Variants in PRKCA observed in about 807,000 individuals in gnomAD.
The protein encoded by PRKCA is protein kinase C alpha type.
Under a neutral mutation model 87.0 loss-of-function variants are expected in PRKCA, and 27 were observed. The observed-to-expected ratio is 0.31, with a 90% CI of 0.23 to 0.43. The LOEUF is 0.43. Ranked by LOEUF, PRKCA falls within the 20% of genes least tolerant of loss-of-function variation. The probability of loss-of-function intolerance (pLI) is 1.00; values close to 1 mark genes in which losing one functional copy is unlikely to be tolerated. For synonymous variants in PRKCA, 329 were observed against 311.1 expected (o/e 1.06, Z -0.61); for missense variants, 518 against 852.3 (o/e 0.61, Z 4.88).
At chr17:66,615,145 A>T (rs1003940204) in intron 3 of PRKCA, among the ~76,000 whole-genome samples, 5 of 152,206 alleles carry the variant, frequency 3.3e-5, no homozygotes, top group Admixed American at 2.6e-4. Flanking sequence ...GACAACCAGG[A>T]TGCCTCTCCC....
At chr17:66,363,741 C>CA (rs1199500949) in intron 2 of PRKCA, among the ~76,000 whole-genome samples, 1 of 152,188 alleles carries the variant, frequency 6.6e-6, no homozygotes, top group African/African-American at 2.4e-5. Context: ...CTCACCCTGT[C>CA]ACCCAGGCTG....
chr17:66,644,446 A>T (rs1222789504), intron 4 of PRKCA, among the ~76,000 whole-genome samples: 1 of 152,132 alleles, frequency 6.6e-6, no homozygotes, highest in African/African-American at 2.4e-5. Flanking sequence ...AGGGTGATCG[A>T]GCTGGAACAC....
intron 2 of PRKCA, among the ~76,000 whole-genome samples, chr17:66,420,762 A>G (rs1211915193): frequency 2.6e-5 from 4 of 152,134 alleles, no homozygotes; most frequent in African/African-American, 9.7e-5. Context: ...CATTTGGAGG[A>G]TTTTGACTGG....
At chr17:66,675,738 C>A (rs954630265) in intron 5 of PRKCA, among the ~76,000 whole-genome samples, 1 of 152,160 alleles carries the variant, frequency 6.6e-6, no homozygotes, top group African/African-American at 2.4e-5. Context: ...AGCTACACTT[C>A]CCAACCCCCT....
chr17:66,534,893 G>A (rs942356742), intron 3 of PRKCA, among the ~76,000 whole-genome samples: 44 of 152,134 alleles, frequency 2.9e-4, no homozygotes, highest in African/African-American at 9.6e-4. Flanking sequence ...TTATTAATCC[G>A]GAGATTTCTG....
At chr17:66,674,807 A>G (rs767114367) in intron 5 of PRKCA, among the ~76,000 whole-genome samples, 28 of 152,328 alleles carry the variant, frequency 1.8e-4, no homozygotes, top group Non-Finnish European at 3.5e-4. Flanking sequence ...AATCAGTCTG[A>G]TGAGTGGCAG....
intron 5 of PRKCA, among the ~76,000 whole-genome samples, chr17:66,651,093 G>A (rs931689121): frequency 2.0e-5 from 3 of 152,196 alleles, no homozygotes; most frequent in East Asian, 1.9e-4. Flanking sequence ...GCTTCACATC[G>A]GAAGTGCAGT....
intron 3 of PRKCA, among the ~76,000 whole-genome samples, chr17:66,533,700 G>T (rs976978706): frequency 7.2e-6 from 1 of 139,768 alleles, no homozygotes; most frequent in Admixed American, 7.3e-5. Context: ...CCAGGCTGCC[G>T]CCCCCACTGG....
At chr17:66,440,934 G>A (rs538636066) in intron 2 of PRKCA, among the ~76,000 whole-genome samples, 9 of 151,982 alleles carry the variant, frequency 5.9e-5, no homozygotes, top group Non-Finnish European at 8.8e-5. Context: ...AGGCTGAGGC[G>A]GGTGGATTGC....
At chr17:66,318,910 C>T (rs1905480461) in intron 2 of PRKCA, among the ~76,000 whole-genome samples, 1 of 151,558 alleles carries the variant, frequency 6.6e-6, no homozygotes, top group South Asian at 2.1e-4. Flanking sequence ...TGCTTGAATT[C>T]ATGAATTTTA....
intron 2 of PRKCA, among the ~76,000 whole-genome samples, chr17:66,345,661 G>C (rs1022171160): frequency 2.0e-5 from 3 of 152,086 alleles, no homozygotes; most frequent in Admixed American, 2.0e-4. Flanking sequence ...CGACAGTCCT[G>C]ATTATTGACT....
intron 16 of PRKCA, among the ~76,000 whole-genome samples, chr17:66,800,096 T>A (rs966170683): frequency 6.6e-6 from 1 of 152,236 alleles, no homozygotes; most frequent in African/African-American, 2.4e-5. Flanking sequence ...TGGCTGAACT[T>A]CAGTGGTTCA....
chr17:66,627,613 C>T (rs1325718365), intron 3 of PRKCA, among the ~76,000 whole-genome samples: 2 of 152,130 alleles, frequency 1.3e-5, no homozygotes, highest in African/African-American at 4.8e-5. Flanking sequence ...GAGTGAAGAC[C>T]AAGGTGTAAG....
At chr17:66,469,717 C>T (rs1915240881) in intron 2 of PRKCA, among the ~76,000 whole-genome samples, 1 of 152,180 alleles carries the variant, frequency 6.6e-6, no homozygotes, top group Non-Finnish European at 1.5e-5. Flanking sequence ...AAGCTGTCTG[C>T]AAATACTTAA....
intron 2 of PRKCA, among the ~76,000 whole-genome samples, chr17:66,456,416 C>T (rs1914576359): frequency 6.6e-6 from 1 of 152,104 alleles, no homozygotes; most frequent in African/African-American, 2.4e-5. Flanking sequence ...CCGTAAGTGG[C>T]CTATTCTAAG....
At position 66,405,161 on chromosome 17, in the gene PRKCA, C is replaced by G. The variant is rs552009869; in HGVS notation, c.206-91040C>G. ...GCAGAGCACAGTGATTGTCCATGGG[C>G]TGGTCTCTGTTCACTTCCCCAAGGT... On this transcript the variant is annotated intron_variant, in intron 2 of 16. Coordinates refer to ENST00000413366, the MANE Select transcript of PRKCA (RefSeq NM_002737.3). Among the ~76,000 whole-genome samples, 145 of 152,184 alleles carry G rather than the reference C, an allele frequency of 9.5e-4. 1 individual carries two copies. The highest frequency in any genetic ancestry group is 1.7e-3 in the Non-Finnish European group (113 of 68,018).
At chr17:66,316,704 G>A (rs1033458414) in intron 2 of PRKCA, among the ~76,000 whole-genome samples, 2 of 151,934 alleles carry the variant, frequency 1.3e-5, no homozygotes, top group African/African-American at 4.8e-5. Context: ...AAGGAAGCTG[G>A]CAATAGTGAT....
intron 2 of PRKCA, among the ~76,000 whole-genome samples, chr17:66,369,381 A>AG (rs1339392011): frequency 1.3e-5 from 2 of 151,926 alleles, no homozygotes; most frequent in African/African-American, 4.8e-5. Context: ...CCTGGGGAGG[A>AG]GGAGGGACCT....
At chr17:66,627,053 C>T (rs1970877137) in intron 3 of PRKCA, among the ~76,000 whole-genome samples, 1 of 152,288 alleles carries the variant, frequency 6.6e-6, no homozygotes, top group Non-Finnish European at 1.5e-5. Flanking sequence ...TTGTGGCAAA[C>T]AGTGCTGAAT....
Sources: allele counts gnomAD v4.1 joint callset (sites outside exome capture counted in the v4.1 genomes callset), GRCh38; gene constraint gnomAD v4.1.1; transcripts MANE v1.5; gene names NCBI Gene and HGNC (gene_info 2026-07-23, HGNC 2026-07-21).